WWC1: variants seen among roughly 807,000 people sequenced by gnomAD.
WWC1 encodes the protein WW and C2 domain containing 1.
Under a neutral mutation model 138.4 loss-of-function variants are expected in WWC1, and 55 were observed. The observed-to-expected ratio is 0.40, with a 90% confidence interval of 0.32 to 0.50. WWC1 has a LOEUF of 0.50. Among genes scored for constraint, WWC1 ranks in the 20% least tolerant of loss-of-function variants. The probability of loss-of-function intolerance (pLI) is 0.72; values close to 1 mark genes in which losing one functional copy is unlikely to be tolerated. For synonymous variants in WWC1, 524 were observed against 564.9 expected, an observed-to-expected ratio of 0.93 and a Z score of 1.03; for missense variants, 1,226 against 1,420.4, an observed-to-expected ratio of 0.86 and a Z score of 2.20.
chr5:168,371,572 C>T lies in WWC1; in HGVS notation c.229+39C>T. On this transcript the variant is annotated intron_variant, in intron 2 of 22. Transcript: ENST00000265293. Reference sequence around the variant, plus strand: ...GGTCCTCCCTTCCCTGTGCCCTCTTCATCCCTCCACCTCCAAGCCCATCCT... The same window carrying T: ...GGTCCTCCCTTCCCTGTGCCCTCTTTATCCCTCCACCTCCAAGCCCATCCT... 2.0e-6 allele frequency: 3 copies of T among 1,482,126 alleles called. No homozygotes were observed. In the African/African-American group the frequency reaches 4.1e-5, roughly 20 times the overall value. 91.8% of individuals were successfully genotyped at this position (1,482,126 alleles called of 1,614,324 possible). A position where few individuals can be genotyped will look rare whatever the true frequency, so the allele number is the denominator to read the frequency against.
At chr5:168,414,670 A>G (rs1780468010) in intron 9 of WWC1, 80 bp downstream of exon 9, 1 of 1,462,830 alleles carries the variant, frequency 6.8e-7, no homozygotes, top group Admixed American at 2.6e-5. Flanking sequence ...GGGAAGAATG[A>G]GGGGGCTCCG....
In WWC1 at chr5:168,444,509, C is replaced by G. The variant is rs938273615; in HGVS notation, c.2449C>G (p.Leu817Val). The change falls in exon 17 of 23, where the codon CTG becomes GTG. Residue 817 changes from leucine (L) to valine (V), a missense_variant. Coordinates refer to ENST00000265293, the MANE Select transcript of WWC1 (RefSeq NM_015238.3). ...GPASTDAVSA[L>V]LEQTAVELEK... Reference sequence around the variant, plus strand: ...GTCTCTATAGGACGCTGTGTCTGCTCTGTTGGAACAGACAGCAGTGGAGCT... The same window carrying G: ...GTCTCTATAGGACGCTGTGTCTGCTGTGTTGGAACAGACAGCAGTGGAGCT... 6.3e-7 allele frequency: 1 copy of G among 1,588,466 alleles called. No homozygotes were observed. The highest frequency in any genetic ancestry group is 1.8e-5 in the Admixed American group (1 of 56,242).
chr5:168,376,139 C>T (rs1040429687), intron 2 of WWC1, among the ~76,000 whole-genome samples: 27 of 152,038 alleles, frequency 1.8e-4, no homozygotes, highest in Non-Finnish European at 3.7e-4. Context: ...CTGCAACCTC[C>T]GCCTCCCGAG....
At chr5:168,407,129 G>A (rs927964448) in intron 6 of WWC1, among the ~76,000 whole-genome samples, 3 of 152,000 alleles carry the variant, frequency 2.0e-5, no homozygotes, top group African/African-American at 7.3e-5. Flanking sequence ...GGAGGGAGGT[G>A]GTTTCAACAT....
rs1773832220 is a variant in WWC1, at chr5:168,339,826, CTTTCTTTTTCT to C, written c.120-31590_120-31580del. Among the ~76,000 whole-genome samples, 13 of 98,456 alleles carry C rather than the reference CTTTCTTTTTCT, an allele frequency of 1.3e-4. No homozygotes were observed. In the South Asian group the frequency reaches 4.2e-3, roughly 32 times the overall value. The allele number at this position is 98,456 out of a possible 152,430, so 64.6% of individuals were successfully genotyped here. ...TTTGTTTTTCTTTCTTTCTTTCTTT[CTTTCTTTTTCT>C]TTTCTTTCTTTCTTTCTCTCTTTCT... On this transcript the variant is annotated intron_variant, in intron 1 of 22. Transcript: ENST00000265293.
At chr5:168,436,022 T>G (rs1197007350) in intron 15 of WWC1, among the ~76,000 whole-genome samples, 1 of 152,132 alleles carries the variant, frequency 6.6e-6, no homozygotes, top group Non-Finnish European at 1.5e-5. Flanking sequence ...TTTGTATTTT[T>G]ATTAGAGATG....
In WWC1 at chr5:168,454,049, T is replaced by A. The variant is rs745666936; in HGVS notation, c.2607T>A (p.Asp869Glu). The A allele has an allele frequency of 6.2e-7, 1 of 1,612,148 alleles. No individual in the cohort carries two copies. The highest frequency in any genetic ancestry group is 1.3e-5 in the African/African-American group (1 of 74,428). ...EEVEEEEGEE[D>E]VFTEKASPDM... The stretch of plus-strand genomic sequence containing the variant: ...TGGAGGAGGAGGAGGGAGAAGAGGA[T>A]GTTTTCACCGAGAAAGCCTCACCTG... The change falls in exon 18 of 23, where the codon GAT becomes GAA. Residue 869 changes from aspartate (D) to glutamate (E), a missense_variant. Around this residue, in one of 3 missense-constraint regions of WWC1, gnomAD observed 1,016 missense variants for 1,153.9 expected, o/e 0.88. Transcript: ENST00000265293.
At chr5:168,438,501 G>A (rs1414212214) in intron 15 of WWC1, among the ~76,000 whole-genome samples, 1 of 152,184 alleles carries the variant, frequency 6.6e-6, no homozygotes, top group Non-Finnish European at 1.5e-5. Flanking sequence ...TGAACTGTGA[G>A]TCAACTAAAC....
At chr5:168,436,084 C>A (rs1008311447) in intron 15 of WWC1, among the ~76,000 whole-genome samples, 1 of 152,110 alleles carries the variant, frequency 6.6e-6, no homozygotes, top group Non-Finnish European at 1.5e-5. Flanking sequence ...CTCAAGCGAT[C>A]CACCCACCTT....
At chr5:168,455,584 G>T in intron 19 of WWC1, 64 bp downstream of exon 19, 1 of 1,570,630 alleles carries the variant, frequency 6.4e-7, no homozygotes, top group Non-Finnish European at 8.6e-7. Context: ...CACAGGGCTG[G>T]GTGCAAATCC....
At chr5:168,387,504 C>T (rs944616412) in intron 3 of WWC1, among the ~76,000 whole-genome samples, 19 of 152,142 alleles carry the variant, frequency 1.2e-4, no homozygotes, top group African/African-American at 3.9e-4. Flanking sequence ...CTGTCTTAGT[C>T]GACTCGAGCT....
At chr5:168,329,809 C>T (rs1456129288) in intron 1 of WWC1, among the ~76,000 whole-genome samples, 1 of 152,170 alleles carries the variant, frequency 6.6e-6, no homozygotes, top group Non-Finnish European at 1.5e-5. Context: ...AGCAATATTA[C>T]TTAAAAGCTG....
At chr5:168,299,514 G>A (rs566107979) in intron 1 of WWC1, among the ~76,000 whole-genome samples, 4 of 152,264 alleles carry the variant, frequency 2.6e-5, no homozygotes, top group Non-Finnish European at 2.9e-5. Flanking sequence ...TTTCCAAGTC[G>A]CTTGGGTAAA....
At chr5:168,294,290 C>T (rs1447091677) in intron 1 of WWC1, among the ~76,000 whole-genome samples, 1 of 152,012 alleles carries the variant, frequency 6.6e-6, no homozygotes. Flanking sequence ...TTGCTATATC[C>T]ACCTGTGCTA....
intron 15 of WWC1, among the ~76,000 whole-genome samples, chr5:168,435,069 G>A (rs181495009): frequency 1.3e-5 from 2 of 152,280 alleles, no homozygotes; most frequent in East Asian, 3.9e-4. Context: ...CTTCCCATGA[G>A]CCCTCAATGC....
At chr5:168,465,039 G>A in intron 21 of WWC1, 77 bp downstream of exon 21, 2 of 1,533,630 alleles carry the variant, frequency 1.3e-6, no homozygotes, top group Admixed American at 2.0e-5. Flanking sequence ...GGGGAAGAGA[G>A]GCCAGAGCTC....
Position 168,460,675 on chromosome 5 carries a change from C to T in WWC1, c.2849C>T (p.Ser950Phe). Reference protein sequence around the residue: ...CRLNRSDSDSSTLSKKPPFVR... With the variant: ...CRLNRSDSDSFTLSKKPPFVR... ...CTGAATCGGAGTGATAGTGACAGCT[C>T]CACTCTGTCCAAAAAGCCACCTTTT... is the stretch of plus-strand genomic sequence containing the variant. Residue 950 changes from serine to phenylalanine, a missense_variant, in exon 20 of 23, where the codon TCC (serine) becomes TTC (phenylalanine). Ser to Phe is a radical substitution (Grantham distance 155, BLOSUM62 -2). Transcript: ENST00000265293. 1 of 1,614,090 alleles carries T rather than the reference C, an allele frequency of 6.2e-7. No individual in the cohort carries two copies. Among genetic ancestry groups the T allele is most frequent in the East Asian group, 2.2e-5 (1 of 44,858 alleles).
chr5:168,447,854 C>T (rs566014293), intron 17 of WWC1, among the ~76,000 whole-genome samples: 1 of 151,730 alleles, frequency 6.6e-6, no homozygotes, highest in African/African-American at 2.4e-5. Flanking sequence ...TCTTTCCTTT[C>T]CTCTCTGTTT....
chr5:168,370,732 G>C (rs1271387072), intron 1 of WWC1, among the ~76,000 whole-genome samples: 2 of 152,162 alleles, frequency 1.3e-5, no homozygotes, highest in African/African-American at 4.8e-5. Flanking sequence ...TTGTTTATTT[G>C]ATTTAGCCAT....
Sources: allele counts gnomAD v4.1 joint callset (sites outside exome capture counted in the v4.1 genomes callset), GRCh38; gene constraint gnomAD v4.1.1; regional missense constraint gnomAD v4.1.1; transcripts MANE v1.5; gene names NCBI Gene and HGNC (gene_info 2026-07-23, HGNC 2026-07-21).